The following BMPR1A variants were observed in gnomAD, a reference collection of about 807,000 sequenced individuals.
The protein encoded by BMPR1A is bone morphogenetic protein receptor type-1A.
A neutral mutation model predicts 66.0 loss-of-function variants in BMPR1A; 7 were observed. The observed-to-expected ratio is 0.11, with a 90% CI of 0.06 to 0.20. The LOEUF (loss-of-function observed/expected upper bound fraction) is 0.20. Ranked by LOEUF, BMPR1A falls within the 10% of genes least tolerant of loss-of-function variation. BMPR1A has a pLI of 1.00. For synonymous variants in BMPR1A, 200 were observed against 229.7 expected (o/e 0.87, Z 1.17); for missense variants, 408 against 669.1 (o/e 0.61, Z 4.31).
intron 5 of BMPR1A, among the ~76,000 whole-genome samples, chr10:86,893,763 G>A (rs1843188590): frequency 6.6e-6 from 1 of 151,422 alleles, no homozygotes; most frequent in Non-Finnish European, 1.5e-5. Context: ...ACTCCAGCCT[G>A]GGCAACAGAG....
intron 2 of BMPR1A, among the ~76,000 whole-genome samples, chr10:86,868,778 G>GGTTTTTTTTTTTT (rs1554886241): frequency 7.1e-6 from 1 of 141,046 alleles, no homozygotes; most frequent in Admixed American, 7.0e-5. Flanking sequence ...CTTTTCCTGT[G>GGTTTTTTTTTTTT]TTTTTTTTTT....
downstream of BMPR1A, chr10:86,931,857 TCTTTCTAGAA>T (rs1261080288): frequency 1.3e-5 from 2 of 152,194 alleles, no homozygotes; most frequent in African/African-American, 2.4e-5. Context: ...TTTCCTTTTC[TCTTTCTAGAA>T]CTTTCTAGAA....
intron 5 of BMPR1A, among the ~76,000 whole-genome samples, chr10:86,894,307 C>G (rs1399459797): frequency 2.0e-5 from 3 of 152,212 alleles, no homozygotes; most frequent in African/African-American, 7.2e-5. Flanking sequence ...TTTCTTCACA[C>G]AAATAAGTAG....
intron 1 of BMPR1A, among the ~76,000 whole-genome samples, chr10:86,835,767 G>C (rs1372883878): frequency 3.3e-5 from 5 of 151,978 alleles, no homozygotes; most frequent in African/African-American, 1.2e-4. Flanking sequence ...AAAGTATCTT[G>C]TTGGTTTAAG....
At chr10:86,886,864 T>C (rs911854815) in intron 3 of BMPR1A, among the ~76,000 whole-genome samples, 3 of 141,546 alleles carry the variant, frequency 2.1e-5, no homozygotes, top group Admixed American at 7.7e-5. Context: ...GGATTTTCGC[T>C]CTTGTCGCCC....
chr10:86,830,951 T>G (rs1445139450), intron 1 of BMPR1A, among the ~76,000 whole-genome samples: 1 of 152,176 alleles, frequency 6.6e-6, no homozygotes, highest in Admixed American at 6.5e-5. Context: ...TCTGTGAAAT[T>G]GCCTATTCTG....
chr10:86,826,103 T>C (rs1842190039), intron 1 of BMPR1A, among the ~76,000 whole-genome samples: 1 of 151,116 alleles, frequency 6.6e-6, no homozygotes, highest in Non-Finnish European at 1.5e-5. Context: ...ATATATACTT[T>C]TTTTATTCCC....
intron 1 of BMPR1A, among the ~76,000 whole-genome samples, chr10:86,798,126 T>C (rs1841751215): frequency 2.6e-5 from 4 of 152,240 alleles, no homozygotes; most frequent in African/African-American, 9.6e-5. Flanking sequence ...ATCATTCTTA[T>C]ATAAGCATAT....
rs189055233 is a variant in BMPR1A, at chr10:86,865,319, C to T, written c.-152-10548C>T. On this transcript the variant is annotated intron_variant, in intron 2 of 12. Transcript: ENST00000372037. The stretch of plus-strand genomic sequence containing the variant: ...AGAAGTGAAAATGGCCAGTCCTTGC[C>T]TTAAGTGATGACATTACCTTGTGAA... Among the ~76,000 whole-genome samples, 596 of 152,254 alleles carry T rather than the reference C, an allele frequency of 3.9e-3. 1 individual carries two copies. Among genetic ancestry groups the T allele is most frequent in the African/African-American group, 0.014 (579 of 41,546 alleles).
chr10:86,835,472 A>G (rs1842328847), intron 1 of BMPR1A, among the ~76,000 whole-genome samples: 1 of 138,410 alleles, frequency 7.2e-6, no homozygotes, highest in African/African-American at 2.7e-5. Flanking sequence ...AATGGCTTGA[A>G]CCCAGGAGGC....
intron 3 of BMPR1A, among the ~76,000 whole-genome samples, chr10:86,877,335 G>C (rs887093580): frequency 6.6e-6 from 1 of 151,754 alleles, no homozygotes; most frequent in Non-Finnish European, 1.5e-5. Flanking sequence ...AGCCTCCCGA[G>C]TAGCTGGGAT....
intron 1 of BMPR1A, among the ~76,000 whole-genome samples, chr10:86,808,729 C>T (rs1158435683): frequency 6.6e-6 from 1 of 152,194 alleles, no homozygotes; most frequent in Non-Finnish European, 1.5e-5. Flanking sequence ...TTGATATTAT[C>T]ACTTCCTTAA....
chr10:86,797,181 C>T (rs1337193389), intron 1 of BMPR1A, among the ~76,000 whole-genome samples: 1 of 149,750 alleles, frequency 6.7e-6, no homozygotes, highest in Admixed American at 6.7e-5. Context: ...TCTCCTGCCT[C>T]AGCCTCCAGA....
chr10:86,826,692 CAT>C (rs1842200406), intron 1 of BMPR1A, among the ~76,000 whole-genome samples: 1 of 151,608 alleles, frequency 6.6e-6, no homozygotes, highest in Non-Finnish European at 1.5e-5. Context: ...ATTTTTTTTA[CAT>C]GTTTTTTTTC....
At chr10:86,783,529 C>T (rs1311830871) in intron 1 of BMPR1A, among the ~76,000 whole-genome samples, 3 of 152,156 alleles carry the variant, frequency 2.0e-5, no homozygotes, top group Non-Finnish European at 4.4e-5. Flanking sequence ...AGTTTTTTGT[C>T]ATTTTTAGTG....
intron 1 of BMPR1A, among the ~76,000 whole-genome samples, chr10:86,793,078 C>A (rs994775040): frequency 2.0e-5 from 3 of 151,358 alleles, no homozygotes; most frequent in African/African-American, 7.3e-5. Context: ...GTCCTTTTTT[C>A]ATCCTCCTGA....
rs116837572 is a variant in BMPR1A, at chr10:86,822,919, T to A, written c.-267-15946T>A. Among the ~76,000 whole-genome samples the A allele has an allele frequency of 4.2e-3, 639 of 152,312 alleles. 6 individuals carry two copies. Among genetic ancestry groups the A allele is most frequent in the African/African-American group, 0.015 (620 of 41,572 alleles). Reference sequence around the variant, plus strand: ...TGCTGGGATTATAGATGCAAGCCACTGTGCCGGCCTGAGCTTCAGTTTTCT... The same window carrying A: ...TGCTGGGATTATAGATGCAAGCCACAGTGCCGGCCTGAGCTTCAGTTTTCT... On this transcript the variant is annotated intron_variant, in intron 1 of 12. Transcript: ENST00000372037.
intron 5 of BMPR1A, among the ~76,000 whole-genome samples, chr10:86,893,713 G>A (rs377518250): frequency 3.9e-5 from 6 of 152,136 alleles, no homozygotes; most frequent in African/African-American, 9.6e-5. Flanking sequence ...GCATGAACCC[G>A]GGAGGTGGAG....
At chr10:86,850,666 C>G (rs1240572474) in intron 2 of BMPR1A, among the ~76,000 whole-genome samples, 1 of 152,062 alleles carries the variant, frequency 6.6e-6, no homozygotes, top group Non-Finnish European at 1.5e-5. Context: ...GGGTCTTGCT[C>G]TGTTGCCCAG....
Sources: allele counts gnomAD v4.1 joint callset (sites outside exome capture counted in the v4.1 genomes callset), GRCh38; gene constraint gnomAD v4.1.1; transcripts MANE v1.5; gene names NCBI Gene and HGNC (gene_info 2026-07-23, HGNC 2026-07-21).